The following CDK19 variants were observed in gnomAD, a reference collection of about 807,000 sequenced individuals.
CDK19 encodes cyclin-dependent kinase 19.
In CDK19, 20 loss-of-function variants were observed where a neutral mutation model predicts 68.3. The observed-to-expected ratio is 0.29, with a 90% CI of 0.21 to 0.43. CDK19 has a LOEUF of 0.43. Ranked by LOEUF, CDK19 falls within the 20% of genes least tolerant of loss-of-function variation. The pLI is 1.00. For synonymous variants in CDK19, 221 were observed against 222.8 expected (o/e 0.99, Z 0.07); for missense variants, 339 against 623.5 (o/e 0.54, Z 4.86).
chr6:110,647,198 A>G (rs1333088295), intron 4 of CDK19, among the ~76,000 whole-genome samples: 1 of 152,156 alleles, frequency 6.6e-6, no homozygotes, highest in African/African-American at 2.4e-5. Context: ...CCGGCCGGCC[A>G]GTAACCTCGA....
chr6:110,644,949 C>A (rs1361766935), intron 4 of CDK19, among the ~76,000 whole-genome samples: 1 of 152,078 alleles, frequency 6.6e-6, no homozygotes. Context: ...AATCCTAAAC[C>A]TGTTATGTAC....
At chr6:110,751,462 C>G (rs1562259052) in intron 1 of CDK19, among the ~76,000 whole-genome samples, 1 of 152,040 alleles carries the variant, frequency 6.6e-6, no homozygotes, top group Non-Finnish European at 1.5e-5. Flanking sequence ...CCAGATGGGA[C>G]CATCTAGTTG....
In CDK19 at chr6:110,612,463, A is replaced by C. The variant is rs1263000839; in HGVS notation, c.*2072T>G. Reference sequence around the variant, plus strand: ...CAAAAAGACCTTCATATTATAAGACAGTTTCACTTGTAAGTCAATCACATG... The same window carrying C: ...CAAAAAGACCTTCATATTATAAGACCGTTTCACTTGTAAGTCAATCACATG... On this transcript the variant is annotated 3_prime_UTR_variant, in exon 13 of 13. Transcript: ENST00000368911. 1 of 152,612 alleles carries C rather than the reference A, an allele frequency of 6.6e-6. No homozygotes were observed. The highest frequency in any genetic ancestry group is 1.5e-5 in the Non-Finnish European group (1 of 68,042). The allele number at this position is 152,612 out of a possible 1,614,324, so 9.5% of individuals were successfully genotyped here.
chr6:110,649,532 C>A (rs932543743), intron 4 of CDK19, among the ~76,000 whole-genome samples: 6 of 152,050 alleles, frequency 3.9e-5, no homozygotes, highest in Non-Finnish European at 7.4e-5. Flanking sequence ...ATTAAAATAA[C>A]TTCCAATTAT....
intron 2 of CDK19, among the ~76,000 whole-genome samples, chr6:110,694,166 G>A (rs1773283921): frequency 6.6e-6 from 1 of 150,916 alleles, no homozygotes; most frequent in African/African-American, 2.4e-5. Flanking sequence ...GAATGTAAAT[G>A]GCTGAAATGC....
intron 1 of CDK19, among the ~76,000 whole-genome samples, chr6:110,802,976 A>G (rs956269801): frequency 1.3e-5 from 2 of 152,220 alleles, no homozygotes; most frequent in Non-Finnish European, 2.9e-5. Context: ...ATGGTAAGCA[A>G]CAGTAAGCAA....
chr6:110,610,590 T>C lies in CDK19; in HGVS notation c.*3945A>G, dbSNP rs940968940. 34 of 152,366 alleles carry C rather than the reference T, an allele frequency of 2.2e-4. 1 individual carries two copies. The highest frequency in any genetic ancestry group is 7.7e-4 in the African/African-American group (32 of 41,564). 9.4% of individuals were successfully genotyped at this position (152,366 alleles called of 1,614,324 possible). A position where few individuals can be genotyped will look rare whatever the true frequency, so the allele number is the denominator to read the frequency against. On this transcript the variant is annotated 3_prime_UTR_variant, in exon 13 of 13. Transcript: ENST00000368911. ...TTTAAAAACCCTAAAACAATGAACT[T>C]TGTTATATTTGTGACTATTTTTGAG...
chr6:110,648,553 T>TC (rs1359287492), intron 4 of CDK19, among the ~76,000 whole-genome samples: 1 of 148,026 alleles, frequency 6.8e-6, no homozygotes, highest in African/African-American at 2.5e-5. Context: ...TTTTTTTTTT[T>TC]TTTTTGAGAA....
Position 110,636,112 on chromosome 6 carries a change from A to G in CDK19, c.514+2537T>C, listed in dbSNP as rs558861248. On this transcript the variant is annotated intron_variant, in intron 5 of 12. Coordinates refer to ENST00000368911, the MANE Select transcript of CDK19 (RefSeq NM_015076.5). ...GCCAGAGTACAGAATTTTGCTAAGG[A>G]GTACTAAGAGAACAAATTAGATTGG... 2.0e-5 allele frequency among the ~76,000 whole-genome samples: 3 copies of G among 152,326 alleles called. No individual in the cohort carries two copies. In the East Asian group the frequency reaches 5.8e-4, roughly 29 times the overall value.
rs538124650 is a variant in CDK19, at chr6:110,629,089, A to G, written c.647-1944T>C. On this transcript the variant is annotated intron_variant, in intron 6 of 12. Transcript: ENST00000368911. ...TCTCTTCCTCATTACCACCTCTACT[A>G]TGCAGTATACCAGGACTACTACTGC... 1.2e-4 allele frequency among the ~76,000 whole-genome samples: 18 copies of G among 152,180 alleles called. No individual in the cohort carries two copies. The South Asian group carries it at 3.3e-3, about 28-fold the overall frequency.
intron 1 of CDK19, among the ~76,000 whole-genome samples, chr6:110,763,831 C>T (rs1034725328): frequency 3.3e-5 from 5 of 152,048 alleles, no homozygotes; most frequent in African/African-American, 4.8e-5. Context: ...TCACAGACGA[C>T]GTAATTGTCT....
intron 1 of CDK19, among the ~76,000 whole-genome samples, chr6:110,751,727 T>G (rs550624677): frequency 9.2e-5 from 14 of 152,260 alleles, no homozygotes; most frequent in Admixed American, 3.3e-4. Context: ...TTCTAAACCT[T>G]ATGAGTCAAA....
intron 2 of CDK19, among the ~76,000 whole-genome samples, chr6:110,683,851 G>A (rs1237663971): frequency 5.3e-5 from 8 of 151,210 alleles, no homozygotes; most frequent in Admixed American, 4.0e-4. Context: ...ACAGACACAT[G>A]CCACCATGTC....
chr6:110,766,951 T>C (rs1379212431), intron 1 of CDK19, among the ~76,000 whole-genome samples: 1 of 150,720 alleles, frequency 6.6e-6, no homozygotes, highest in East Asian at 2.0e-4. Flanking sequence ...CTGGCCAACA[T>C]GGTGAAACCT....
chr6:110,809,732 G>C (rs1782938427), intron 1 of CDK19, among the ~76,000 whole-genome samples: 1 of 152,144 alleles, frequency 6.6e-6, no homozygotes. Context: ...AAAATCAGTG[G>C]AGCATCTTTA....
chr6:110,780,766 A>C (rs1780752410), intron 1 of CDK19, among the ~76,000 whole-genome samples: 1 of 152,154 alleles, frequency 6.6e-6, no homozygotes, highest in African/African-American at 2.4e-5. Flanking sequence ...GTTCCAAGGT[A>C]CTATGAGTGC....
At chr6:110,787,229 C>T (rs1781283588) in intron 1 of CDK19, among the ~76,000 whole-genome samples, 1 of 152,036 alleles carries the variant, frequency 6.6e-6, no homozygotes, top group Non-Finnish European at 1.5e-5. Context: ...TAAAAATTAG[C>T]TGGGCATGGT....
chr6:110,778,174 G>A (rs756912758), intron 1 of CDK19, among the ~76,000 whole-genome samples: 10 of 152,026 alleles, frequency 6.6e-5, no homozygotes, highest in Non-Finnish European at 1.0e-4. Flanking sequence ...AAAGTAACAT[G>A]TGCTAAGTAT....
At chr6:110,739,303 C>A (rs753550656) in intron 2 of CDK19, among the ~76,000 whole-genome samples, 1 of 152,124 alleles carries the variant, frequency 6.6e-6, no homozygotes, top group Non-Finnish European at 1.5e-5. Context: ...GGTTGGCTTT[C>A]CACCATGTGG....
Sources: allele counts gnomAD v4.1 joint callset (sites outside exome capture counted in the v4.1 genomes callset), GRCh38; gene constraint gnomAD v4.1.1; transcripts MANE v1.5; gene names NCBI Gene and HGNC (gene_info 2026-07-23, HGNC 2026-07-21).